Variants in KCNIP4 observed in about 807,000 individuals in gnomAD.
The protein encoded by KCNIP4 is potassium voltage-gated channel interacting protein 4.
KCNIP4 carries 12 observed loss-of-function variants against 34.0 expected under a neutral mutation model. The observed-to-expected ratio is 0.35, with a 90% CI of 0.23 to 0.57. KCNIP4 has a LOEUF of 0.57. Ranked by LOEUF, KCNIP4 falls within the 20% of genes least tolerant of loss-of-function variation. The pLI is 0.83. For missense variants in KCNIP4, 238 were observed against 311.7 expected (o/e 0.76, Z 1.78); for synonymous variants, 124 against 102.2 (o/e 1.21, Z -1.29).
chr4:20,878,961 T>C (rs570835348), intron 2 of KCNIP4, among the ~76,000 whole-genome samples: 1 of 152,254 alleles, frequency 6.6e-6, no homozygotes, highest in Non-Finnish European at 1.5e-5. Context: ...TGGGGGATCA[T>C]TAAGCAGAGA....
At chr4:21,733,667 C>T (rs779909733) in intron 1 of KCNIP4, among the ~76,000 whole-genome samples, 7 of 152,028 alleles carry the variant, frequency 4.6e-5, no homozygotes, top group Non-Finnish European at 7.4e-5. Flanking sequence ...AGTACCCGAG[C>T]GAGAAAACAC....
In KCNIP4 at chr4:21,415,575, G is replaced by A. The variant is rs140667499; in HGVS notation, c.62-532866C>T. Among the ~76,000 whole-genome samples, 21 of 151,758 alleles carry A rather than the reference G, an allele frequency of 1.4e-4. No homozygotes were observed. The East Asian group carries it at 3.3e-3, about 24-fold the overall frequency. On this transcript the variant is annotated intron_variant, in intron 1 of 8. Coordinates refer to ENST00000382152, the MANE Select transcript of KCNIP4 (RefSeq NM_025221.6). ...AAATTAGCCAGGTGTGGTGGCGCACGCTTGTAATCCCAACTATTCAGGAGG... is the reference window on the plus strand; with the variant it reads ...AAATTAGCCAGGTGTGGTGGCGCACACTTGTAATCCCAACTATTCAGGAGG...
intron 1 of KCNIP4, among the ~76,000 whole-genome samples, chr4:21,469,384 T>A (rs1730267190): frequency 1.3e-5 from 2 of 152,326 alleles, no homozygotes; most frequent in East Asian, 3.9e-4. Flanking sequence ...CCTCCCTTTT[T>A]AAAATTTCCT....
chr4:21,112,656 A>T (rs1179151308), intron 1 of KCNIP4, among the ~76,000 whole-genome samples: 1 of 152,242 alleles, frequency 6.6e-6, no homozygotes, highest in African/African-American at 2.4e-5. Flanking sequence ...AATCAGGGCC[A>T]CCTGGCTCTT....
chr4:21,191,612 C>A (rs531466430), intron 1 of KCNIP4, among the ~76,000 whole-genome samples: 3 of 152,120 alleles, frequency 2.0e-5, no homozygotes, highest in Non-Finnish European at 4.4e-5. Flanking sequence ...TAACCATGGT[C>A]GGTGCACCTA....
rs73802514 is a variant in KCNIP4 at position 21,225,338 on chromosome 4, T to C, written c.62-342629A>G. On this transcript the variant is annotated intron_variant, in intron 1 of 8. Coordinates refer to ENST00000382152, the MANE Select transcript of KCNIP4 (RefSeq NM_025221.6). ...GAAGATCCTTTCAACCTAAATTTTG[T>C]TAAACTCAGGGGTTTAGAGATTGTC... 9.2e-3 allele frequency among the ~76,000 whole-genome samples: 1,395 copies of C among 152,276 alleles called. 22 individuals carry two copies. Among genetic ancestry groups the C allele is most frequent in the African/African-American group, 0.031 (1,290 of 41,560 alleles).
rs150363198 is a variant in KCNIP4, at chr4:21,511,729, T to A, written c.61+436842A>T. Among the ~76,000 whole-genome samples, 73 of 152,314 alleles carry A rather than the reference T, an allele frequency of 4.8e-4. No individual in the cohort carries two copies. The East Asian group carries it at 8.3e-3, about 17-fold the overall frequency. ...CAGAAAATCATGTGTCTGAATTTAC[T>A]GCAAATAATTTAAACTGTGGCTTTC... On this transcript the variant is annotated intron_variant, in intron 1 of 8. Coordinates refer to ENST00000382152, the MANE Select transcript of KCNIP4 (RefSeq NM_025221.6).
chr4:21,177,706 C>T (rs1033674993), intron 1 of KCNIP4, among the ~76,000 whole-genome samples: 2 of 151,466 alleles, frequency 1.3e-5, no homozygotes, highest in African/African-American at 2.4e-5. Flanking sequence ...CAAAAAACAA[C>T]AAAAATTAGC....
intron 1 of KCNIP4, among the ~76,000 whole-genome samples, chr4:21,367,477 G>GCCTTTCAA (rs1321270954): frequency 7.7e-6 from 1 of 130,714 alleles, no homozygotes; most frequent in Middle Eastern, 3.2e-3. Context: ...CTACCTAACT[G>GCCTTTCAA]GACATACTTA....
intron 1 of KCNIP4, among the ~76,000 whole-genome samples, chr4:21,616,665 G>T (rs144882110): frequency 6.6e-6 from 1 of 152,094 alleles, no homozygotes; most frequent in African/African-American, 2.4e-5. Flanking sequence ...CTGGCAATCC[G>T]AGATTTTTCT....
At chr4:21,835,372 C>T (rs1455504391) in intron 1 of KCNIP4, among the ~76,000 whole-genome samples, 1 of 151,958 alleles carries the variant, frequency 6.6e-6, no homozygotes, top group Admixed American at 6.6e-5. Flanking sequence ...AAAAGGTGAT[C>T]AATCTCATTA....
At chr4:20,790,810 T>C (rs1005201623) in intron 3 of KCNIP4, among the ~76,000 whole-genome samples, 3 of 152,168 alleles carry the variant, frequency 2.0e-5, no homozygotes, top group Non-Finnish European at 4.4e-5. Context: ...ACATGTCAAA[T>C]GAACCTACAG....
intron 1 of KCNIP4, among the ~76,000 whole-genome samples, chr4:21,456,677 G>A (rs1175842179): frequency 3.9e-5 from 5 of 129,280 alleles, no homozygotes; most frequent in South Asian, 2.2e-4. Flanking sequence ...CCAGTAAGTC[G>A]CGTATTTGTG....
rs1037915162 is a variant in KCNIP4 at position 20,969,703 on chromosome 4, T to C, written c.62-86994A>G. On this transcript the variant is annotated intron_variant, in intron 1 of 8. Coordinates refer to ENST00000382152, the MANE Select transcript of KCNIP4 (RefSeq NM_025221.6). The stretch of plus-strand genomic sequence containing the variant: ...ATAATTCATTACATAATTTTCCAAA[T>C]ACTAAAAAAAGAAATTACTTATTCT... 3.9e-5 allele frequency among the ~76,000 whole-genome samples: 6 copies of C among 152,012 alleles called. No individual in the cohort carries two copies. The East Asian group carries it at 1.2e-3, about 29-fold the overall frequency.
intron 1 of KCNIP4, among the ~76,000 whole-genome samples, chr4:21,189,671 T>A (rs10034038): frequency 0.35 from 53,053 of 152,078 alleles, 10,215 homozygotes; most frequent in African/African-American, 0.52. Flanking sequence ...CTGAAGTTCA[T>A]TTAACTCAAC....
intron 1 of KCNIP4, among the ~76,000 whole-genome samples, chr4:21,502,320 A>G (rs1406811538): frequency 1.3e-4 from 20 of 152,108 alleles, no homozygotes; most frequent in Admixed American, 1.3e-3. Flanking sequence ...GAATGAGAAA[A>G]TTGAGGTGGA....
chr4:21,648,641 T>C (rs1747221832), intron 1 of KCNIP4, among the ~76,000 whole-genome samples: 1 of 152,098 alleles, frequency 6.6e-6, no homozygotes, highest in Non-Finnish European at 1.5e-5. Context: ...ACACATTCAA[T>C]AGAAAGTATA....
intron 1 of KCNIP4, among the ~76,000 whole-genome samples, chr4:21,264,421 A>T (rs1330605110): frequency 1.3e-5 from 2 of 152,188 alleles, no homozygotes; most frequent in South Asian, 4.1e-4. Context: ...GATGATTAGC[A>T]TGGTGGTTAG....
intron 1 of KCNIP4, among the ~76,000 whole-genome samples, chr4:21,067,574 G>A (rs955426564): frequency 6.6e-6 from 1 of 152,154 alleles, no homozygotes; most frequent in Non-Finnish European, 1.5e-5. Flanking sequence ...CACACTAAAA[G>A]GAAGGACATA....
Sources: allele counts gnomAD v4.1 joint callset (sites outside exome capture counted in the v4.1 genomes callset), GRCh38; gene constraint gnomAD v4.1.1; transcripts MANE v1.5; gene names NCBI Gene and HGNC (gene_info 2026-07-23, HGNC 2026-07-21).